The following R3HDM2 variants were observed in gnomAD, a reference collection of about 807,000 sequenced individuals.
The protein encoded by R3HDM2 is R3H domain containing 2, also known as R3H domain-containing protein 2.
Under a neutral mutation model 124.5 loss-of-function variants are expected in R3HDM2, and 38 were observed. The observed-to-expected ratio is 0.31, with a 90% CI of 0.24 to 0.40. The LOEUF is 0.40. R3HDM2 is among the 10% of genes least tolerant of loss of function. The pLI is 1.00. For synonymous variants in R3HDM2, 391 were observed against 448.0 expected, an observed-to-expected ratio of 0.87 and a Z score of 1.61; for missense variants, 869 against 1,236.9, an observed-to-expected ratio of 0.70 and a Z score of 4.46.
chr12:57,297,171 T>A (rs959142746), intron 8 of R3HDM2, 157 bp downstream of exon 8: 9 of 540,604 alleles, frequency 1.7e-5, no homozygotes, highest in African/African-American at 1.6e-4. Flanking sequence ...TGAAAAGATA[T>A]AAATTATTTT....
At chr12:57,293,002 G>A in intron 10 of R3HDM2, among the ~76,000 whole-genome samples, 1 of 152,078 alleles carries the variant, frequency 6.6e-6, no homozygotes, top group East Asian at 1.9e-4. Flanking sequence ...ATAGCCCTGG[G>A]AAAAGGAACA....
chr12:57,254,524 A>AT lies in R3HDM2; in HGVS notation c.*248_*249insA. 2.5e-6 allele frequency: 1 copy of AT among 406,236 alleles called. No homozygotes were observed. The allele number at this position is 406,236 out of a possible 1,614,324, so 25.2% of individuals were successfully genotyped here. On this transcript the variant is annotated 3_prime_UTR_variant, in exon 24 of 24. Transcript: ENST00000402412. ...CTCAAAAAAAAAAAAAAAAAAAAAA[A>AT]GAAGAGGATGGGAAGAAGAGTGATG... is the stretch of plus-strand genomic sequence containing the variant.
At chr12:57,380,986 T>C (rs2064784720) in intron 2 of R3HDM2, among the ~76,000 whole-genome samples, 1 of 151,518 alleles carries the variant, frequency 6.6e-6, no homozygotes, top group South Asian at 2.1e-4. Flanking sequence ...TCCCAGCACT[T>C]TCGGAGGCAG....
chr12:57,268,500 A>G, intron 17 of R3HDM2, 43 bp from the exon 18 acceptor site: 1 of 1,603,226 alleles, frequency 6.2e-7, no homozygotes. Context: ...TCGCATTCAC[A>G]TTGAGCTCAT....
At chr12:57,292,945 C>T (rs1049200392) in intron 10 of R3HDM2, among the ~76,000 whole-genome samples, 17 of 134,712 alleles carry the variant, frequency 1.3e-4, no homozygotes, top group Non-Finnish European at 9.4e-5. Flanking sequence ...GACTGGGTTG[C>T]TTCCCTCTAG....
In R3HDM2 at chr12:57,258,022, G is replaced by T; in HGVS notation, c.2417C>A (p.Thr806Lys). 3 of 1,586,748 alleles carry T rather than the reference G, an allele frequency of 1.9e-6. No individual in the cohort carries two copies. Among genetic ancestry groups the T allele is most frequent in the Non-Finnish European group, 2.6e-6 (3 of 1,161,312 alleles). ...CTGLSPLPVL[T>K]QFPRPGGPAQ... is the part of the protein sequence containing the mutation. The stretch of plus-strand genomic sequence containing the variant: ...TGGACCCCCAGGCCGGGGGAACTGT[G>T]TGAGGACAGGCAGGGGACTGAGTCC... Residue 806 changes from threonine to lysine, a missense_variant, in exon 21 of 24, where the codon ACA (threonine) becomes AAA (lysine). Transcript: ENST00000402412.
intron 2 of R3HDM2, among the ~76,000 whole-genome samples, chr12:57,319,428 G>A (rs1401430421): frequency 2.6e-5 from 4 of 152,184 alleles, no homozygotes; most frequent in African/African-American, 9.6e-5. Context: ...ATACCTCTTA[G>A]TGAAGGGAAA....
At chr12:57,409,477 A>C (rs986245823) in intron 1 of R3HDM2, among the ~76,000 whole-genome samples, 6 of 150,830 alleles carry the variant, frequency 4.0e-5, no homozygotes, top group African/African-American at 1.5e-4. Context: ...AGTAGAGTGA[A>C]GTTATTTAAT....
intron 7 of R3HDM2, chr12:57,297,623 TATACC>T: frequency 4.7e-6 from 2 of 425,076 alleles, no homozygotes. Flanking sequence ...TATACTTTGT[TATACC>T]ATATCAGAAA....
chr12:57,363,135 T>C (rs1161230469), intron 2 of R3HDM2, among the ~76,000 whole-genome samples: 1 of 152,248 alleles, frequency 6.6e-6, no homozygotes, highest in African/African-American at 2.4e-5. Flanking sequence ...CATTATTTTA[T>C]TTCTACCTAA....
intron 2 of R3HDM2, among the ~76,000 whole-genome samples, chr12:57,387,735 G>T (rs1398041592): frequency 6.6e-6 from 1 of 152,140 alleles, no homozygotes; most frequent in East Asian, 1.9e-4. Flanking sequence ...AGTTTGGAAA[G>T]AAAAAGTTCT....
intron 2 of R3HDM2, among the ~76,000 whole-genome samples, chr12:57,318,936 C>T (rs572537905): frequency 1.3e-5 from 2 of 152,340 alleles, no homozygotes; most frequent in Non-Finnish European, 2.9e-5. Flanking sequence ...TCCAGAAAAT[C>T]TGGCTTTGTT....
intron 19 of R3HDM2, among the ~76,000 whole-genome samples, chr12:57,265,883 G>A (rs1205677756): frequency 6.6e-6 from 1 of 151,114 alleles, no homozygotes; most frequent in South Asian, 2.1e-4. Flanking sequence ...TGCAAGCTCC[G>A]TCTCCCGGGT....
chr12:57,385,796 A>C (rs2065654888), intron 2 of R3HDM2, among the ~76,000 whole-genome samples: 1 of 152,190 alleles, frequency 6.6e-6, no homozygotes, highest in African/African-American at 2.4e-5. Flanking sequence ...GCAGCTCTCA[A>C]AGTGTGGCCT....
intron 2 of R3HDM2, among the ~76,000 whole-genome samples, chr12:57,360,685 C>T (rs1326691263): frequency 2.1e-5 from 3 of 145,180 alleles, no homozygotes; most frequent in East Asian, 2.0e-4. Context: ...AAAGGAAAGG[C>T]GAAAGGAAAA....
intron 2 of R3HDM2, among the ~76,000 whole-genome samples, chr12:57,333,295 A>T (rs1305892896): frequency 6.6e-6 from 1 of 152,182 alleles, no homozygotes; most frequent in Non-Finnish European, 1.5e-5. Context: ...TATAATGTTG[A>T]CAGGGATCTA....
chr12:57,419,436 T>G (rs1225930208), intron 1 of R3HDM2, among the ~76,000 whole-genome samples: 1 of 151,722 alleles, frequency 6.6e-6, no homozygotes, highest in Non-Finnish European at 1.5e-5. Flanking sequence ...AGCCACTGTA[T>G]CTGGCCATCT....
intron 2 of R3HDM2, among the ~76,000 whole-genome samples, chr12:57,360,028 C>CATATAT (rs1279892811): frequency 2.0e-4 from 19 of 94,122 alleles, no homozygotes; most frequent in South Asian, 6.0e-4. Flanking sequence ...TATATACACA[C>CATATAT]ATATATATAT....
At chr12:57,284,132 T>C in intron 12 of R3HDM2, 76 bp from the exon 13 acceptor site, 2 of 1,290,136 alleles carry the variant, frequency 1.6e-6, no homozygotes, top group Non-Finnish European at 2.2e-6. Flanking sequence ...TTCATTTCTA[T>C]TCTCTCAATA....
Sources: gnomAD v4.1 joint callset for allele counts (sites outside exome capture counted in the v4.1 genomes callset) on GRCh38, gnomAD v4.1.1 for gene constraint, MANE v1.5 for transcripts, NCBI Gene and HGNC (gene_info 2026-07-23, HGNC 2026-07-21) for gene names.